CBX2: variants seen among roughly 807,000 people sequenced by gnomAD.
The protein encoded by CBX2 is chromobox protein homolog 2.
CBX2 carries 11 observed loss-of-function variants against 21.0 expected under a neutral mutation model. The observed-to-expected ratio is 0.52, with a 90% CI of 0.33 to 0.87. CBX2 has a LOEUF of 0.87. CBX2 is among the 40% of genes least tolerant of loss of function. The probability of loss-of-function intolerance (pLI) is 0.02; values close to 1 mark genes in which losing one functional copy is unlikely to be tolerated. For missense variants in CBX2, 746 were observed against 724.3 expected (o/e 1.03, Z -0.34); for synonymous variants, 364 against 304.6 (o/e 1.19, Z -2.03).
Position 79,785,297 on chromosome 17 carries a change from T to G in CBX2, c.*255T>G. 4 of 559,264 alleles carry G rather than the reference T, an allele frequency of 7.2e-6. No homozygotes were observed. Among genetic ancestry groups the G allele is most frequent in the East Asian group, 3.0e-5 (1 of 32,930 alleles). 34.6% of individuals were successfully genotyped at this position (559,264 alleles called of 1,614,324 possible). A position where few individuals can be genotyped will look rare whatever the true frequency, so the allele number is the denominator to read the frequency against. On this transcript the variant is annotated 3_prime_UTR_variant, in exon 5 of 5. Coordinates refer to ENST00000310942, the MANE Select transcript of CBX2 (RefSeq NM_005189.3). Reference sequence around the variant, plus strand: ...CTGCAGGCCTCTTTGCTCTCCCCTCTTGCCTCAGGAAACCCGGTGGCACCT... The same window carrying G: ...CTGCAGGCCTCTTTGCTCTCCCCTCGTGCCTCAGGAAACCCGGTGGCACCT...
In CBX2 at chr17:79,787,316, A is replaced by G. The variant is rs1907704376; in HGVS notation, c.*2274A>G. On this transcript the variant is annotated 3_prime_UTR_variant, in exon 5 of 5. Coordinates refer to ENST00000310942, the MANE Select transcript of CBX2 (RefSeq NM_005189.3). ...CTGTCCCTGTCTGCCTGGGCAGGCC[A>G]GATTCCTCCCCAGCAGCCGGGTCTC... is the stretch of plus-strand genomic sequence containing the variant. The G allele has an allele frequency of 6.6e-6, 1 of 152,666 alleles. No homozygotes were observed. The highest frequency in any genetic ancestry group is 1.5e-5 in the Non-Finnish European group (1 of 68,066). 9.5% of individuals were successfully genotyped at this position (152,666 alleles called of 1,614,324 possible).
At position 79,778,164 on chromosome 17, in the gene CBX2, C is replaced by A. The variant is rs1361315274; in HGVS notation, c.-72C>A. On this transcript the variant is annotated 5_prime_UTR_variant, in exon 1 of 5. Transcript: ENST00000310942. The surrounding 1 kb of genome is among the most constrained non-coding windows in gnomAD (Gnocchi z 4.8). ...GGCGGGGGCGGTGCTTTGTGTGCTG[C>A]CGGCGGGGCGCGCGGCGGTCCGGGC... 2.4e-5 allele frequency: 22 copies of A among 908,152 alleles called. No individual in the cohort carries two copies. Among genetic ancestry groups the A allele is most frequent in the African/African-American group, 3.6e-5 (2 of 55,508 alleles). 56.3% of individuals were successfully genotyped at this position (908,152 alleles called of 1,614,324 possible). A position where few individuals can be genotyped will look rare whatever the true frequency, so the allele number is the denominator to read the frequency against.
At chr17:79,777,949 C>T (rs1335278454), upstream of CBX2, among the ~76,000 whole-genome samples, 1 of 144,144 alleles carries the variant, frequency 6.9e-6, no homozygotes, top group South Asian at 2.1e-4. Context: ...CCGCCCGGGG[C>T]CCCGCGCGGG....
At chr17:79,782,418 C>A in intron 4 of CBX2, 1 of 1,326,206 alleles carries the variant, frequency 7.5e-7, no homozygotes, top group Non-Finnish European at 9.7e-7. Flanking sequence ...CCCTGGGGTC[C>A]GTGGTAGGGC....
intron 3 of CBX2, among the ~76,000 whole-genome samples, chr17:79,780,132 C>T (rs1353137618): frequency 1.3e-5 from 2 of 152,190 alleles, no homozygotes; most frequent in Admixed American, 1.3e-4. Context: ...GCATGAAGGG[C>T]CAGGGAGTAC....
Position 79,785,672 on chromosome 17 carries a change from GAA to G in CBX2, c.*633_*634del. The G allele has an allele frequency of 6.4e-6, 1 of 156,376 alleles. No homozygotes were observed. The highest frequency in any genetic ancestry group is 1.4e-5 in the Non-Finnish European group (1 of 70,556). 9.7% of individuals were successfully genotyped at this position (156,376 alleles called of 1,614,324 possible). On this transcript the variant is annotated 3_prime_UTR_variant, in exon 5 of 5. Transcript: ENST00000310942. The stretch of plus-strand genomic sequence containing the variant: ...TGGGGGCTGGCTGGGGCCTTAATGT[GAA>G]AAGACAGTGGCAGGCAGCTGGAGTA...
chr17:79,780,118 C>T (rs1907062762), intron 3 of CBX2, among the ~76,000 whole-genome samples: 1 of 152,192 alleles, frequency 6.6e-6, no homozygotes. Flanking sequence ...GATGTGCCCA[C>T]CTGGCATGAA....
rs1555831194 is a variant in CBX2 at position 79,784,374 on chromosome 17, G to A, written c.931G>A (p.Ala311Thr). Reference protein sequence around the residue: ...MSPPGSKIPKAPSGGAVEQKV... With the variant: ...MSPPGSKIPKTPSGGAVEQKV... ...CCCTCCAGGAAGCAAAATCCCGAAG[G>A]CCCCCAGCGGTGGGGCTGTGGAGCA... The change falls in exon 5 of 5, where the codon GCC becomes ACC. Residue 311 changes from alanine to threonine, a missense_variant. Transcript: ENST00000310942. This position sits in a 1 kb window ranked among gnomAD's most constrained non-coding sequence, Gnocchi z 5.9. The A allele has an allele frequency of 1.9e-6, 3 of 1,612,826 alleles. No individual in the cohort carries two copies. The highest frequency in any genetic ancestry group is 1.7e-5 in the Admixed American group (1 of 59,966).
rs1466273287 is a variant in CBX2 at position 79,783,937 on chromosome 17, G to A, written c.494G>A (p.Gly165Glu). 1.9e-6 allele frequency: 3 copies of A among 1,613,878 alleles called. No individual in the cohort carries two copies. The highest frequency in any genetic ancestry group is 2.7e-5 in the African/African-American group (2 of 74,938). ...ELKDPIRKKR[G>E]RKPLPPEQKA... ...AAGGATCCCATCCGGAAGAAGCGGG[G>A]ACGAAAGCCCCTGCCCCCAGAGCAA... Residue 165 changes from glycine (G) to glutamate (E), a missense_variant, in exon 5 of 5, where the codon GGA (glycine) becomes GAA (glutamate). This residue lies in a region of CBX2 where 701 missense variants were observed against 650.7 expected (regional missense o/e 1.08). Transcript: ENST00000310942.
intron 4 of CBX2, chr17:79,782,117 G>T (rs200193655): frequency 6.2e-7 from 1 of 1,613,160 alleles, no homozygotes; most frequent in Admixed American, 1.7e-5. Flanking sequence ...GTCCTTGGGG[G>T]ACGGAAAGGA....
At chr17:79,782,200 G>A (rs371260757) in intron 4 of CBX2, 41 of 1,609,794 alleles carry the variant, frequency 2.5e-5, no homozygotes, top group Admixed American at 3.4e-5. Flanking sequence ...AAGATTTGGG[G>A]GCTACTCCGG....
Position 79,783,933 on chromosome 17 carries a change from C to T in CBX2, c.490C>T (p.Arg164Trp), listed in dbSNP as rs138748933. 2.4e-5 allele frequency: 39 copies of T among 1,613,904 alleles called. No individual in the cohort carries two copies. The highest frequency in any genetic ancestry group is 3.0e-5 in the Non-Finnish European group (35 of 1,180,058). Residue 164 changes from arginine (R) to tryptophan (W), a missense_variant, in exon 5 of 5, where the codon CGG (arginine) becomes TGG (tryptophan). Arg to Trp is a moderately radical substitution (Grantham distance 101). Transcript: ENST00000310942. ...PELKDPIRKKRGRKPLPPEQK... is the reference protein window; with the variant it reads ...PELKDPIRKKWGRKPLPPEQK... Reference sequence around the variant, plus strand: ...GCTGAAGGATCCCATCCGGAAGAAGCGGGGACGAAAGCCCCTGCCCCCAGA... The same window carrying T: ...GCTGAAGGATCCCATCCGGAAGAAGTGGGGACGAAAGCCCCTGCCCCCAGA...
At position 79,785,104 on chromosome 17, in the gene CBX2, T is replaced by TA; in HGVS notation, c.*64dup. The TA allele has an allele frequency of 7.1e-7, 1 of 1,412,716 alleles. No homozygotes were observed. Among genetic ancestry groups the TA allele is most frequent in the Non-Finnish European group, 9.9e-7 (1 of 1,012,126 alleles). 87.5% of individuals were successfully genotyped at this position (1,412,716 alleles called of 1,614,324 possible). A position where few individuals can be genotyped will look rare whatever the true frequency, so the allele number is the denominator to read the frequency against. On this transcript the variant is annotated 3_prime_UTR_variant, in exon 5 of 5. Transcript: ENST00000310942. ...TTCCCTGCCTATGGTGTCGCTTGGC[T>TA]AAGTGACTCCCAGCCCAAGCCCCCT...
At chr17:79,782,094 TC>T (rs1907263622) in intron 4 of CBX2, 1 of 1,613,296 alleles carries the variant, frequency 6.2e-7, no homozygotes, top group South Asian at 1.1e-5. Context: ...CAAGCACTCT[TC>T]CCTCCCAGGG....
chr17:79,777,714 C>G (rs1906819606), upstream of CBX2, among the ~76,000 whole-genome samples: 1 of 152,100 alleles, frequency 6.6e-6, no homozygotes, highest in Non-Finnish European at 1.5e-5. Context: ...TGCCCCGGAG[C>G]AGCGCCCCTC....
At position 79,784,349 on chromosome 17, in the gene CBX2, C is replaced by T; in HGVS notation, c.906C>T (p.Ser302=). 1.2e-6 allele frequency: 2 copies of T among 1,613,154 alleles called. No individual in the cohort carries two copies. Among genetic ancestry groups the T allele is most frequent in the Non-Finnish European group, 8.5e-7 (1 of 1,179,900 alleles). Residue 302 remains serine (S), a synonymous_variant, in exon 5 of 5, where the codon AGC becomes AGT. Coordinates refer to ENST00000310942, the MANE Select transcript of CBX2 (RefSeq NM_005189.3). This position sits in a 1 kb window ranked among gnomAD's most constrained non-coding sequence, Gnocchi z 5.9. ...CGCAGAAAGGGGAGCTGGGAATGAG[C>T]CCTCCAGGAAGCAAAATCCCGAAGG... is the stretch of plus-strand genomic sequence containing the variant. The part of the protein sequence containing the change: ...VRTQKGELGM[S]PPGSKIPKAP...
Position 79,779,689 on chromosome 17 carries a change from C to G in CBX2, c.182+262C>G, listed in dbSNP as rs112582183. ...TGCTTTGGTGTTTCCGACAGCCATA[C>G]TTGCAAAAACCAACTTTTTCAGTTG... On this transcript the variant is annotated intron_variant, in intron 3 of 4. Coordinates refer to ENST00000310942, the MANE Select transcript of CBX2 (RefSeq NM_005189.3). 200 of 525,868 alleles carry G rather than the reference C, an allele frequency of 3.8e-4. 2 individuals are homozygous for G. The highest frequency in any genetic ancestry group is 3.4e-3 in the African/African-American group (181 of 52,628). 32.6% of individuals were successfully genotyped at this position (525,868 alleles called of 1,614,324 possible).
At chr17:79,780,684 C>T (rs1686728160) in intron 3 of CBX2, among the ~76,000 whole-genome samples, 5 of 151,910 alleles carry the variant, frequency 3.3e-5, no homozygotes, top group Admixed American at 3.3e-4. Flanking sequence ...CTTCTCCATC[C>T]ACCAAAATGT....
chr17:79,784,569 AC>A lies in CBX2; in HGVS notation c.1128del (p.Ala377ProfsTer82). On this transcript the variant is annotated frameshift_variant, in exon 5 of 5. Coordinates refer to ENST00000310942, the MANE Select transcript of CBX2 (RefSeq NM_005189.3). LOFTEE classifies it low-confidence loss of function (END_TRUNC). This position sits in a 1 kb window ranked among gnomAD's most constrained non-coding sequence, Gnocchi z 5.9. Reference sequence around the variant, plus strand: ...GGTGGGTCTCCTTGCCCGCCACGCCACCGCCACCAAGGGTGTCCCGGCCACC... The same window carrying A: ...GGTGGGTCTCCTTGCCCGCCACGCCACGCCACCAAGGGTGTCCCGGCCACC... Reference protein sequence around the residue: ...PGVGLLARHATATKGVPATNP... With the variant: ...PGVGLLARHAXATKGVPATNP... 1 of 1,612,546 alleles carries A rather than the reference AC, an allele frequency of 6.2e-7. No homozygotes were observed. The highest frequency in any genetic ancestry group is 8.5e-7 in the Non-Finnish European group (1 of 1,179,896).
Sources: allele counts gnomAD v4.1 joint callset (sites outside exome capture counted in the v4.1 genomes callset), GRCh38; gene constraint gnomAD v4.1.1; regional missense constraint gnomAD v4.1.1; non-coding constraint Gnocchi (gnomAD v3.1); transcripts MANE v1.5; gene names NCBI Gene and HGNC (gene_info 2026-07-23, HGNC 2026-07-21).